The following ARL15 variants were observed in gnomAD, a reference collection of about 807,000 sequenced individuals.
ARL15 encodes ADP-ribosylation factor-like protein 15.
In ARL15, 19 loss-of-function variants were observed where a neutral mutation model predicts 25.2. The observed-to-expected ratio is 0.75, with a 90% CI of 0.53 to 1.10. ARL15 has a LOEUF of 1.10. Among genes scored for constraint, ARL15 ranks in the 50% least tolerant of loss-of-function variants. The pLI, the probability that ARL15 is intolerant of heterozygous loss-of-function variation, is 0.00. For missense variants in ARL15, 220 were observed against 246.0 expected (o/e 0.89, Z 0.71); for synonymous variants, 94 against 86.8 (o/e 1.08, Z -0.46).
intron 4 of ARL15, among the ~76,000 whole-genome samples, chr5:53,915,199 A>G (rs956777530): frequency 6.6e-6 from 1 of 152,164 alleles, no homozygotes; most frequent in Non-Finnish European, 1.5e-5. Context: ...ACCAAACCAA[A>G]CTACTAGGGG....
chr5:54,297,715 T>C (rs966893112), intron 1 of ARL15, among the ~76,000 whole-genome samples: 1 of 152,222 alleles, frequency 6.6e-6, no homozygotes, highest in Admixed American at 6.5e-5. Context: ...TCCCTCCAGT[T>C]TTCTGACTTG....
intron 4 of ARL15, among the ~76,000 whole-genome samples, chr5:54,090,536 TTTTCTA>T (rs1561220170): frequency 6.6e-6 from 1 of 151,136 alleles, no homozygotes; most frequent in Admixed American, 6.6e-5. Context: ...GCACAGGGAG[TTTTCTA>T]TTTCTATTTC....
At chr5:54,256,794 A>G (rs1757382230) in intron 1 of ARL15, among the ~76,000 whole-genome samples, 1 of 152,068 alleles carries the variant, frequency 6.6e-6, no homozygotes, top group African/African-American at 2.4e-5. Flanking sequence ...AACATATTCA[A>G]GTCAATAAAT....
chr5:54,115,006 G>A (rs901054088), intron 3 of ARL15, among the ~76,000 whole-genome samples: 3 of 152,174 alleles, frequency 2.0e-5, no homozygotes, highest in Admixed American at 2.0e-4. Flanking sequence ...GTGTGCCCTG[G>A]CTGGCAAGGG....
chr5:54,219,764 A>G (rs192126137), intron 1 of ARL15, among the ~76,000 whole-genome samples: 1 of 152,346 alleles, frequency 6.6e-6, no homozygotes, highest in East Asian at 1.9e-4. Context: ...AGAATTTCCA[A>G]AAATCACACT....
chr5:54,044,406 GCTAA>G (rs1314644882), intron 4 of ARL15, among the ~76,000 whole-genome samples: 1 of 151,890 alleles, frequency 6.6e-6, no homozygotes, highest in Non-Finnish European at 1.5e-5. Flanking sequence ...ACCACGCCTG[GCTAA>G]CTTTTTGTAT....
intron 4 of ARL15, among the ~76,000 whole-genome samples, chr5:54,098,771 C>T (rs956885613): frequency 2.0e-5 from 3 of 152,120 alleles, no homozygotes; most frequent in Non-Finnish European, 2.9e-5. Flanking sequence ...AAACTTCAGA[C>T]TTTGGAAAGT....
chr5:54,038,018 A>G (rs1469296412), intron 4 of ARL15, among the ~76,000 whole-genome samples: 1 of 152,126 alleles, frequency 6.6e-6, no homozygotes, highest in Non-Finnish European at 1.5e-5. Context: ...TTAATTGTCT[A>G]ATCAACACCT....
At chr5:54,298,830 T>G (rs1758536917) in intron 1 of ARL15, among the ~76,000 whole-genome samples, 1 of 152,018 alleles carries the variant, frequency 6.6e-6, no homozygotes, top group Admixed American at 6.6e-5. Context: ...TCTCCAGGTT[T>G]CCTTCCAACC....
intron 1 of ARL15, among the ~76,000 whole-genome samples, chr5:54,241,460 C>A (rs1425387047): frequency 6.6e-6 from 1 of 151,956 alleles, no homozygotes; most frequent in African/African-American, 2.4e-5. Flanking sequence ...ATTTCTTTAC[C>A]TATAGAGATA....
intron 4 of ARL15, among the ~76,000 whole-genome samples, chr5:53,947,580 C>T (rs1474934050): frequency 6.6e-6 from 1 of 152,146 alleles, no homozygotes; most frequent in Non-Finnish European, 1.5e-5. Flanking sequence ...AAAGATCCTA[C>T]CAACAACTGG....
intron 4 of ARL15, among the ~76,000 whole-genome samples, chr5:54,058,692 G>A (rs969347044): frequency 6.6e-6 from 1 of 152,152 alleles, no homozygotes; most frequent in African/African-American, 2.4e-5. Flanking sequence ...GGAGCTGAGG[G>A]AGCAACAGGG....
chr5:53,971,025 G>A (rs1747734623), intron 4 of ARL15, among the ~76,000 whole-genome samples: 1 of 152,152 alleles, frequency 6.6e-6, no homozygotes. Flanking sequence ...ATAGCATTAA[G>A]AAGGAATTTT....
intron 1 of ARL15, among the ~76,000 whole-genome samples, chr5:54,259,274 G>A (rs1199405159): frequency 6.6e-6 from 1 of 152,024 alleles, no homozygotes; most frequent in Non-Finnish European, 1.5e-5. Context: ...ACTGATATAT[G>A]CACACACATA....
In ARL15 at chr5:53,989,067, A is replaced by G. The variant is rs78247942; in HGVS notation, c.463-102354T>C. On this transcript the variant is annotated intron_variant, in intron 4 of 4. Coordinates refer to ENST00000504924, the MANE Select transcript of ARL15 (RefSeq NM_019087.3). Reference sequence around the variant, plus strand: ...GCAGATATAACAGGATTTGGGGAGGAGAATGGATAATTGAAAGAGTCCAGA... The same window carrying G: ...GCAGATATAACAGGATTTGGGGAGGGGAATGGATAATTGAAAGAGTCCAGA... Among the ~76,000 whole-genome samples, 398 of 152,246 alleles carry G rather than the reference A, an allele frequency of 2.6e-3. 2 individuals are homozygous for G. The highest frequency in any genetic ancestry group is 9.2e-3 in the African/African-American group (381 of 41,552).
intron 1 of ARL15, among the ~76,000 whole-genome samples, chr5:54,200,913 A>G (rs1736054350): frequency 6.6e-6 from 1 of 152,212 alleles, no homozygotes; most frequent in Admixed American, 6.5e-5. Flanking sequence ...CACTTGTTAT[A>G]GTAACAAAAA....
intron 1 of ARL15, among the ~76,000 whole-genome samples, chr5:54,271,919 T>A (rs1274357571): frequency 2.7e-5 from 4 of 150,158 alleles, no homozygotes; most frequent in Non-Finnish European, 5.9e-5. Context: ...TATTTATTTA[T>A]TTATTTATTT....
chr5:54,286,790 T>C (rs926957092), intron 1 of ARL15, among the ~76,000 whole-genome samples: 10 of 152,130 alleles, frequency 6.6e-5, no homozygotes, highest in African/African-American at 2.4e-4. Flanking sequence ...GAGGATTTAT[T>C]CCTTCACTTT....
chr5:54,212,219 A>G (rs1756062443), intron 1 of ARL15, among the ~76,000 whole-genome samples: 1 of 152,220 alleles, frequency 6.6e-6, no homozygotes, highest in Non-Finnish European at 1.5e-5. Flanking sequence ...TTTGCCAACC[A>G]ATGGTTTAAC....
Sources: allele counts gnomAD v4.1 joint callset (sites outside exome capture counted in the v4.1 genomes callset), GRCh38; gene constraint gnomAD v4.1.1; transcripts MANE v1.5; gene names NCBI Gene and HGNC (gene_info 2026-07-23, HGNC 2026-07-21).